SPAG16: variants seen among roughly 807,000 people sequenced by gnomAD.
SPAG16 encodes sperm-associated antigen 16 protein.
In SPAG16, 86 loss-of-function variants were observed where a neutral mutation model predicts 80.4. That is an observed-to-expected ratio of 1.07 (90% CI 0.90 to 1.28). SPAG16 has a LOEUF of 1.28. Ranked by LOEUF, SPAG16 falls within the 50% of genes most tolerant of loss-of-function variation. SPAG16 has a pLI of 0.00. For synonymous variants in SPAG16, 294 were observed against 265.9 expected (o/e 1.11, Z -1.03); for missense variants, 870 against 765.3 (o/e 1.14, Z -1.61).
chr2:214,228,962 G>T (rs1688489699), intron 15 of SPAG16, among the ~76,000 whole-genome samples: 2 of 151,732 alleles, frequency 1.3e-5, no homozygotes, highest in Admixed American at 1.3e-4. Flanking sequence ...AGCCTAAATG[G>T]ATAGAAACAT....
At chr2:213,500,637 G>A (rs2074700977) in intron 10 of SPAG16, among the ~76,000 whole-genome samples, 1 of 152,174 alleles carries the variant, frequency 6.6e-6, no homozygotes, top group South Asian at 2.1e-4. Flanking sequence ...ACAACCTAGA[G>A]ATCCAATTAT....
chr2:213,383,053 C>T (rs2067253607), intron 9 of SPAG16, among the ~76,000 whole-genome samples: 1 of 151,968 alleles, frequency 6.6e-6, no homozygotes, highest in Non-Finnish European at 1.5e-5. Flanking sequence ...CCCATATGTT[C>T]CAGATCTTTA....
intron 9 of SPAG16, among the ~76,000 whole-genome samples, chr2:213,395,476 G>A (rs114505542): frequency 3.3e-5 from 5 of 151,964 alleles, no homozygotes; most frequent in African/African-American, 9.7e-5. Context: ...CCTCTTTGAC[G>A]TATAGATTAT....
intron 10 of SPAG16, among the ~76,000 whole-genome samples, chr2:213,547,531 TA>T (rs1254167210): frequency 6.6e-6 from 1 of 152,212 alleles, no homozygotes; most frequent in Non-Finnish European, 1.5e-5. Flanking sequence ...ACCTATTTTT[TA>T]AAGAACAGTG....
At chr2:213,344,178 G>C (rs1393906792) in intron 6 of SPAG16, among the ~76,000 whole-genome samples, 1 of 152,098 alleles carries the variant, frequency 6.6e-6, no homozygotes, top group African/African-American at 2.4e-5. Context: ...CCAGTACATA[G>C]TCACTCAATT....
At chr2:214,012,980 G>A (rs1383064954) in intron 12 of SPAG16, among the ~76,000 whole-genome samples, 2 of 152,110 alleles carry the variant, frequency 1.3e-5, no homozygotes, top group African/African-American at 4.8e-5. Context: ...CTGAGAATTT[G>A]CATTTCAGAC....
At chr2:213,353,921 A>T (rs2065479570) in intron 7 of SPAG16, among the ~76,000 whole-genome samples, 1 of 152,152 alleles carries the variant, frequency 6.6e-6, no homozygotes, top group Non-Finnish European at 1.5e-5. Flanking sequence ...TTTAAGTTCT[A>T]GGGTACATGT....
chr2:213,309,705 A>C lies in SPAG16; in HGVS notation c.280-354A>C, dbSNP rs1272938586. 2.0e-5 allele frequency among the ~76,000 whole-genome samples: 3 copies of C among 152,004 alleles called. No homozygotes were observed. The East Asian group carries it at 5.8e-4, about 29-fold the overall frequency. On this transcript the variant is annotated intron_variant, in intron 3 of 15. Coordinates refer to ENST00000331683, the MANE Select transcript of SPAG16 (RefSeq NM_024532.5). ...CAATGACATCTTCACCACCCTAAAT[A>C]CGTAGCAACCCAGCTTCACATAAAT... is the stretch of plus-strand genomic sequence containing the variant.
chr2:214,032,425 T>C (rs2048460944), intron 13 of SPAG16, among the ~76,000 whole-genome samples: 1 of 152,140 alleles, frequency 6.6e-6, no homozygotes, highest in African/African-American at 2.4e-5. Context: ...TTGTCAATAG[T>C]TATAAGTGAA....
chr2:213,563,972 A>G (rs917416865), intron 10 of SPAG16, among the ~76,000 whole-genome samples: 3 of 152,168 alleles, frequency 2.0e-5, no homozygotes, highest in African/African-American at 7.2e-5. Flanking sequence ...CTACCTGCCC[A>G]TTGGAAAGGG....
At chr2:214,055,104 AATAAG>A (rs1375603728) in intron 13 of SPAG16, among the ~76,000 whole-genome samples, 2 of 152,180 alleles carry the variant, frequency 1.3e-5, no homozygotes, top group Non-Finnish European at 2.9e-5. Flanking sequence ...AGTAGCATAA[AATAAG>A]ATATGTAAAA....
intron 10 of SPAG16, among the ~76,000 whole-genome samples, chr2:213,823,333 A>C (rs1287456534): frequency 1.3e-5 from 2 of 151,792 alleles, no homozygotes; most frequent in Non-Finnish European, 2.9e-5. Flanking sequence ...AGTGATGTTG[A>C]GTTTTTTGTT....
In SPAG16 at chr2:213,553,877, C is replaced by G. The variant is rs370228202; in HGVS notation, c.1070+63787C>G. On this transcript the variant is annotated intron_variant, in intron 10 of 15. Transcript: ENST00000331683. ...TTAACTCTGCATACACCTGTGCACT[C>G]CTGCAGACTCCTCTGCTGCTTTACA... Among the ~76,000 whole-genome samples the G allele has an allele frequency of 5.6e-4, 86 of 152,320 alleles. 2 individuals carry two copies. In the South Asian group the frequency reaches 0.018, roughly 31 times the overall value.
intron 10 of SPAG16, among the ~76,000 whole-genome samples, chr2:213,600,417 A>G (rs542349748): frequency 6.6e-6 from 1 of 152,266 alleles, no homozygotes; most frequent in African/African-American, 2.4e-5. Flanking sequence ...TTTAGAATTA[A>G]TTTTGCCTCA....
chr2:213,912,750 C>T (rs1430004717), intron 11 of SPAG16, among the ~76,000 whole-genome samples: 3 of 152,134 alleles, frequency 2.0e-5, no homozygotes, highest in Admixed American at 2.0e-4. Context: ...GTTGCTCTAG[C>T]AGACCTGAAT....
intron 10 of SPAG16, among the ~76,000 whole-genome samples, chr2:213,645,575 C>G (rs1192428263): frequency 2.0e-5 from 3 of 152,114 alleles, no homozygotes; most frequent in Non-Finnish European, 4.4e-5. Context: ...TAACAGGGAC[C>G]TCAGGACTCT....
chr2:213,449,284 T>C (rs2071541935), intron 9 of SPAG16, among the ~76,000 whole-genome samples: 1 of 152,206 alleles, frequency 6.6e-6, no homozygotes, highest in African/African-American at 2.4e-5. Context: ...ATCAAGACAA[T>C]ACATGCACCA....
intron 10 of SPAG16, among the ~76,000 whole-genome samples, chr2:213,651,996 T>C (rs1483830920): frequency 1.3e-5 from 2 of 152,178 alleles, no homozygotes; most frequent in African/African-American, 4.8e-5. Flanking sequence ...AATGTACTTT[T>C]TGGTCTTTGA....
intron 15 of SPAG16, among the ~76,000 whole-genome samples, chr2:214,153,272 T>C (rs2056065479): frequency 6.6e-6 from 1 of 152,110 alleles, no homozygotes; most frequent in African/African-American, 2.4e-5. Flanking sequence ...CGCACTCTTG[T>C]CTTCTGGTCA....
Sources: allele counts gnomAD v4.1 joint callset (sites outside exome capture counted in the v4.1 genomes callset), GRCh38; gene constraint gnomAD v4.1.1; transcripts MANE v1.5; gene names NCBI Gene and HGNC (gene_info 2026-07-23, HGNC 2026-07-21).